Variants in FBXO11 observed in about 807,000 individuals in gnomAD.
FBXO11 encodes the protein F-box protein 11.
Under a neutral mutation model 117.0 loss-of-function variants are expected in FBXO11, and 13 were observed. The ratio of observed to expected loss-of-function variants is 0.11; its 90% CI spans 0.07 to 0.18. The LOEUF is 0.18. Among genes scored for constraint, FBXO11 ranks in the 10% least tolerant of loss-of-function variants. The pLI, the probability that FBXO11 is intolerant of heterozygous loss-of-function variation, is 1.00. For missense variants in FBXO11, 767 were observed against 1,164.4 expected (o/e 0.66, Z 4.97); for synonymous variants, 490 against 380.5 (o/e 1.29, Z -3.35).
intron 1 of FBXO11, among the ~76,000 whole-genome samples, chr2:47,859,733 A>G (rs1385675677): frequency 1.3e-5 from 2 of 152,238 alleles, no homozygotes; most frequent in South Asian, 2.1e-4. Flanking sequence ...TTGATTAAAA[A>G]TATTTCCAAA....
intron 1 of FBXO11, among the ~76,000 whole-genome samples, chr2:47,842,692 G>C (rs1481833858): frequency 6.7e-6 from 1 of 148,420 alleles, no homozygotes; most frequent in Non-Finnish European, 1.5e-5. Flanking sequence ...AGTTCAAGAA[G>C]TATTTCAATT....
At chr2:47,841,842 T>C (rs1013465215) in intron 1 of FBXO11, among the ~76,000 whole-genome samples, 3 of 151,898 alleles carry the variant, frequency 2.0e-5, no homozygotes, top group African/African-American at 4.8e-5. Context: ...GGTTTCACCA[T>C]GTTGGCCAGG....
intron 1 of FBXO11, among the ~76,000 whole-genome samples, chr2:47,848,491 TA>T (rs1673594606): frequency 6.6e-6 from 1 of 152,184 alleles, no homozygotes; most frequent in South Asian, 2.1e-4. Context: ...CTGTCTTCCA[TA>T]AAACCAGTCA....
chr2:47,882,703 G>A (rs907671703), intron 1 of FBXO11, among the ~76,000 whole-genome samples: 3 of 152,124 alleles, frequency 2.0e-5, no homozygotes, highest in African/African-American at 7.2e-5. Context: ...CCAGGCTCAA[G>A]TGCAGTGGGG....
chr2:47,887,910 C>T (rs1445386918), intron 1 of FBXO11, among the ~76,000 whole-genome samples: 2 of 151,890 alleles, frequency 1.3e-5, no homozygotes, highest in Non-Finnish European at 2.9e-5. Flanking sequence ...TAGCTACTGG[C>T]GCAGAGGTGA....
chr2:47,886,378 T>C (rs575243126), intron 1 of FBXO11, among the ~76,000 whole-genome samples: 1 of 151,902 alleles, frequency 6.6e-6, no homozygotes, highest in South Asian at 2.1e-4. Context: ...TGGTGGCGTG[T>C]GCCTGTAATC....
intron 1 of FBXO11, among the ~76,000 whole-genome samples, chr2:47,887,324 T>A: frequency 6.7e-6 from 1 of 149,098 alleles, no homozygotes; most frequent in Non-Finnish European, 1.5e-5. Context: ...GACAAGACCC[T>A]ATCTCGAATT....
chr2:47,822,081 A>T (rs1671431917), intron 13 of FBXO11, 137 bp downstream of exon 13: 2 of 650,654 alleles, frequency 3.1e-6, no homozygotes, highest in Non-Finnish European at 5.4e-6. Context: ...GTAAGACCTC[A>T]TTTCTTTAAA....
At chr2:47,892,905 G>A (rs943530454) in intron 1 of FBXO11, among the ~76,000 whole-genome samples, 1 of 151,858 alleles carries the variant, frequency 6.6e-6, no homozygotes, top group African/African-American at 2.4e-5. Flanking sequence ...TAATCGCTAG[G>A]CTGCAACAAC....
chr2:47,861,046 C>T (rs908576176), intron 1 of FBXO11, among the ~76,000 whole-genome samples: 1 of 151,686 alleles, frequency 6.6e-6, no homozygotes, highest in Admixed American at 6.6e-5. Flanking sequence ...GATGGGGTTT[C>T]TCCATGTTGG....
intron 1 of FBXO11, among the ~76,000 whole-genome samples, chr2:47,866,373 T>C (rs1240739796): frequency 6.6e-6 from 1 of 151,208 alleles, no homozygotes; most frequent in African/African-American, 2.4e-5. Flanking sequence ...ATCTACAAAA[T>C]GAGGGTGCTG....
chr2:47,882,441 T>C (rs921665871), intron 1 of FBXO11, among the ~76,000 whole-genome samples: 1 of 150,708 alleles, frequency 6.6e-6, no homozygotes, highest in Non-Finnish European at 1.5e-5. Flanking sequence ...TCAGCTAGTT[T>C]TTCTTCAATT....
intron 1 of FBXO11, among the ~76,000 whole-genome samples, chr2:47,853,135 G>A (rs896340998): frequency 1.3e-5 from 2 of 150,922 alleles, no homozygotes; most frequent in African/African-American, 2.4e-5. Context: ...GCAGTGGCAC[G>A]ATCTTGGCTG....
chr2:47,853,687 C>T lies in FBXO11; in HGVS notation c.233-13918G>A, dbSNP rs1674057750. 2.6e-5 allele frequency among the ~76,000 whole-genome samples: 4 copies of T among 152,184 alleles called. No individual in the cohort carries two copies. In the South Asian group the frequency reaches 8.3e-4, roughly 32 times the overall value. ...AAATGGAGATAATCATGGTGCTTAC[C>T]TTATAAAATTACTGTGAAGATTAAG... On this transcript the variant is annotated intron_variant, in intron 1 of 22. Transcript: ENST00000403359.
In FBXO11 at chr2:47,825,355, G is replaced by C. The variant is rs968738826; in HGVS notation, c.1399-1995C>G. ...AAAACTTTTTCTTTGATTTTATACA[G>C]AATAAAAGTGAATACACACTGGGTG... On this transcript the variant is annotated intron_variant, in intron 11 of 22. Coordinates refer to ENST00000403359, the MANE Select transcript of FBXO11 (RefSeq NM_001190274.2). Among the ~76,000 whole-genome samples, 6 of 151,622 alleles carry C rather than the reference G, an allele frequency of 4.0e-5. No individual in the cohort carries two copies. In the South Asian group the frequency reaches 1.2e-3, roughly 32 times the overall value.
intron 1 of FBXO11, among the ~76,000 whole-genome samples, chr2:47,872,491 T>C (rs900405152): frequency 3.3e-5 from 5 of 152,138 alleles, no homozygotes; most frequent in African/African-American, 1.2e-4. Context: ...GCCTGCCTAA[T>C]TTTTGTATTT....
intron 11 of FBXO11, among the ~76,000 whole-genome samples, chr2:47,831,574 T>C (rs534875410): frequency 1.3e-5 from 2 of 151,876 alleles, no homozygotes; most frequent in South Asian, 2.1e-4. Context: ...TGACCCTCTC[T>C]CCCATCTTGG....
intron 1 of FBXO11, among the ~76,000 whole-genome samples, chr2:47,897,439 G>C (rs756690991): frequency 1.3e-5 from 2 of 152,206 alleles, no homozygotes; most frequent in Non-Finnish European, 2.9e-5. Context: ...GCTCACGCCT[G>C]TAATCCCAGC....
rs181136351 is a variant in FBXO11, at chr2:47,837,018, G to A, written c.588-1017C>T. ...CTCCCAAAGTGCTGGGATTATAGGC[G>A]TGAGCCACTTCGCCTAGCCTAAAAA... On this transcript the variant is annotated intron_variant, in intron 4 of 22. Coordinates refer to ENST00000403359, the MANE Select transcript of FBXO11 (RefSeq NM_001190274.2). 344 of 267,420 alleles carry A rather than the reference G, an allele frequency of 1.3e-3. 4 individuals are homozygous for A. Among genetic ancestry groups the A allele is most frequent in the South Asian group, 5.9e-3 (187 of 31,884 alleles). The allele number at this position is 267,420 out of a possible 1,614,324, so 16.6% of individuals were successfully genotyped here. A position where few individuals can be genotyped will look rare whatever the true frequency, so the allele number is the denominator to read the frequency against.
Sources: allele counts gnomAD v4.1 joint callset (sites outside exome capture counted in the v4.1 genomes callset), GRCh38; gene constraint gnomAD v4.1.1; transcripts MANE v1.5; gene names NCBI Gene and HGNC (gene_info 2026-07-23, HGNC 2026-07-21).